The following MB variants were observed in gnomAD, a reference collection of about 807,000 sequenced individuals.
MB encodes the protein myoglobin.
A neutral mutation model predicts 14.5 loss-of-function variants in MB; 10 were observed. The ratio of observed to expected loss-of-function variants is 0.69; its 90% CI spans 0.43 to 1.17. The LOEUF is 1.17. Ranked by LOEUF, MB falls within the 50% of genes most tolerant of loss-of-function variation. The probability of loss-of-function intolerance (pLI) is 0.00; values close to 1 mark genes in which losing one functional copy is unlikely to be tolerated. For missense variants in MB, 169 were observed against 192.7 expected, an observed-to-expected ratio of 0.88 and a Z score of 0.73; for synonymous variants, 89 against 78.6, an observed-to-expected ratio of 1.13 and a Z score of -0.70.
chr22:35,607,312 C>G lies in MB; in HGVS notation c.450G>C (p.Leu150=), dbSNP rs199650693. 4.1e-5 allele frequency: 66 copies of G among 1,613,486 alleles called. 1 individual carries two copies. The African/African-American group carries it at 7.5e-4, about 18-fold the overall frequency. ...RKDMASNYKE[L]GFQG is the part of the protein sequence containing the mutation. ...CGGCAGGGGCCTAGCCCTGGAAGCC[C>G]AGCTCCTTGTAGTTGGAGGCCATGT... Residue 150 remains leucine, a synonymous_variant, in exon 3 of 3, where the codon CTG becomes CTC. Coordinates refer to ENST00000397326, the MANE Select transcript of MB (RefSeq NM_005368.3).
upstream of MB, among the ~76,000 whole-genome samples, chr22:35,619,006 C>T (rs953761083): frequency 3.1e-4 from 47 of 151,610 alleles, no homozygotes; most frequent in African/African-American, 1.1e-3. Flanking sequence ...CCCCTCCATC[C>T]ATCTATCCAT....
chr22:35,612,376 C>T (rs1922695009), intron 1 of MB, among the ~76,000 whole-genome samples: 1 of 152,180 alleles, frequency 6.6e-6, no homozygotes, highest in African/African-American at 2.4e-5. Flanking sequence ...AGCTCCTCAA[C>T]CTGAAAATGA....
intron 1 of MB, among the ~76,000 whole-genome samples, chr22:35,614,612 A>G (rs1246884960): frequency 1.3e-5 from 2 of 152,200 alleles, no homozygotes; most frequent in African/African-American, 4.8e-5. Context: ...TGTGGTGATC[A>G]TAATCATATC....
intron 1 of MB, among the ~76,000 whole-genome samples, chr22:35,616,609 T>A (rs1331500631): frequency 3.3e-5 from 5 of 152,184 alleles, no homozygotes; most frequent in Non-Finnish European, 5.9e-5. Flanking sequence ...TCCTCTAGGA[T>A]ATAGATATTA....
Position 35,607,833 on chromosome 22 carries a change from G to A in MB, c.319-390C>T, listed in dbSNP as rs45591134. On this transcript the variant is annotated intron_variant, in intron 2 of 2. Transcript: ENST00000397326. ...CCGCTTGGGGGCAGCAGAAAAGAAG[G>A]GAAATGCTCAGATTTCATTATTGTA... is the stretch of plus-strand genomic sequence containing the variant. Among the ~76,000 whole-genome samples the A allele has an allele frequency of 6.4e-3, 980 of 152,242 alleles. 5 individuals are homozygous for A. Among genetic ancestry groups the A allele is most frequent in the Non-Finnish European group, 0.011 (761 of 68,014 alleles).
At chr22:35,607,754 C>T (rs1227097324) in intron 2 of MB, among the ~76,000 whole-genome samples, 1 of 152,200 alleles carries the variant, frequency 6.6e-6, no homozygotes, top group Non-Finnish European at 1.5e-5. Flanking sequence ...CAGCCCCCTC[C>T]ACTCCATCAG....
chr22:35,620,905 G>A (rs1210565832), upstream of MB, among the ~76,000 whole-genome samples: 3 of 152,210 alleles, frequency 2.0e-5, no homozygotes, highest in Non-Finnish European at 4.4e-5. Flanking sequence ...TCACCCGCTT[G>A]GCAAGCGCCC....
In MB at chr22:35,607,304, T is replaced by C; in HGVS notation, c.458A>G (p.Gln153Arg). The C allele has an allele frequency of 1.2e-6, 2 of 1,612,738 alleles. No homozygotes were observed. The highest frequency in any genetic ancestry group is 1.1e-5 in the South Asian group (1 of 91,012). The change falls in exon 3 of 3, where the codon CAG becomes CGG. Residue 153 changes from glutamine (Q) to arginine (R), a missense_variant. By Grantham distance (43) the Gln-to-Arg change is conservative. Coordinates refer to ENST00000397326, the MANE Select transcript of MB (RefSeq NM_005368.3). Reference sequence around the variant, plus strand: ...GGTGGGAGCGGCAGGGGCCTAGCCCTGGAAGCCCAGCTCCTTGTAGTTGGA... The same window carrying C: ...GGTGGGAGCGGCAGGGGCCTAGCCCCGGAAGCCCAGCTCCTTGTAGTTGGA... Reference protein sequence around the residue: ...MASNYKELGFQG With the variant: ...MASNYKELGFRG
chr22:35,613,780 G>C lies in MB; in HGVS notation c.96-2674C>G, dbSNP rs564112801. On this transcript the variant is annotated intron_variant, in intron 1 of 2. Coordinates refer to ENST00000397326, the MANE Select transcript of MB (RefSeq NM_005368.3). ...CCCAAAGTGCTGGGATTATAGGCCT[G>C]AGCCACCCCACCCCACCCCATATTT... Among the ~76,000 whole-genome samples, 5 of 152,276 alleles carry C rather than the reference G, an allele frequency of 3.3e-5. No individual in the cohort carries two copies. The East Asian group carries it at 9.7e-4, about 29-fold the overall frequency.
At position 35,611,807 on chromosome 22, in the gene MB, C is replaced by T. The variant is rs190184965; in HGVS notation, c.96-701G>A. Among the ~76,000 whole-genome samples, 42 of 151,978 alleles carry T rather than the reference C, an allele frequency of 2.8e-4. No homozygotes were observed. In the Middle Eastern group the frequency reaches 0.014, roughly 49 times the overall value. On this transcript the variant is annotated intron_variant, in intron 1 of 2. Coordinates refer to ENST00000397326, the MANE Select transcript of MB (RefSeq NM_005368.3). Reference sequence around the variant, plus strand: ...AGCAGCCACCTCCAGCTTTAGACCTCGGTCCTTCCTGCCCACCTCCAACTT... The same window carrying T: ...AGCAGCCACCTCCAGCTTTAGACCTTGGTCCTTCCTGCCCACCTCCAACTT...
chr22:35,615,460 C>T (rs565212180), intron 1 of MB: 1 of 152,438 alleles, frequency 6.6e-6, no homozygotes, highest in Non-Finnish European at 1.5e-5. Flanking sequence ...CGTGATCCTC[C>T]CTGATGATGC....
At chr22:35,613,672 T>C (rs558616369) in intron 1 of MB, among the ~76,000 whole-genome samples, 178 of 87,244 alleles carry the variant, frequency 2.0e-3, no homozygotes, top group Admixed American at 4.0e-3. Flanking sequence ...ATTTTGTTTA[T>C]TTTTTGTAGA....
chr22:35,613,401 C>T (rs1243098618), intron 1 of MB, among the ~76,000 whole-genome samples: 5 of 152,224 alleles, frequency 3.3e-5, no homozygotes, highest in Non-Finnish European at 7.3e-5. Context: ...CTCTCTGGAT[C>T]ATTGCTCATC....
chr22:35,617,207 C>G lies in MB; in HGVS notation c.51G>C (p.Lys17Asn), dbSNP rs957749110. The change falls in exon 1 of 3, where the codon AAG (lysine) becomes AAC (asparagine). Residue 17 changes from lysine to asparagine, a missense_variant. By Grantham distance (94) the Lys-to-Asn change is moderately conservative. Transcript: ENST00000397326. The part of the protein sequence containing the change: ...EWQLVLNVWG[K>N]VEADIPGHGQ... ...CATGGCCTGGGATGTCAGCCTCCAC[C>G]TTCCCCCAGACGTTCAGCACCAACT... is the stretch of plus-strand genomic sequence containing the variant. 3 of 1,614,056 alleles carry G rather than the reference C, an allele frequency of 1.9e-6. No individual in the cohort carries two copies. In the African/African-American group the frequency reaches 4.0e-5, roughly 22 times the overall value.
chr22:35,608,862 C>G lies in MB; in HGVS notation c.319-1419G>C, dbSNP rs1403925874. Among the ~76,000 whole-genome samples the G allele has an allele frequency of 6.6e-6, 1 of 152,210 alleles. No homozygotes were observed. Among genetic ancestry groups the G allele is most frequent in the Admixed American group, 6.5e-5 (1 of 15,280 alleles). On this transcript the variant is annotated intron_variant, in intron 2 of 2. Coordinates refer to ENST00000397326, the MANE Select transcript of MB (RefSeq NM_005368.3). The surrounding 1 kb of genome is among the most constrained non-coding windows in gnomAD (Gnocchi z 4.3). ...GAAATGGAAACACTCTCGGCACCCACCACCCTGTACAGCCCCTCAGTCCCT... is the reference window on the plus strand; with the variant it reads ...GAAATGGAAACACTCTCGGCACCCAGCACCCTGTACAGCCCCTCAGTCCCT...
chr22:35,617,412 C>T (rs189332221), upstream of MB: 87 of 611,012 alleles, frequency 1.4e-4, no homozygotes, highest in African/African-American at 1.1e-3. Context: ...TCCCCCTCCC[C>T]TGCCCTCCTT....
chr22:35,611,229 T>C, intron 1 of MB, 123 bp from the exon 2 acceptor site: 1 of 683,726 alleles, frequency 1.5e-6, no homozygotes, highest in African/African-American at 1.8e-5. Flanking sequence ...GCCATTCACT[T>C]CACCTCTCTG....
intron 1 of MB, among the ~76,000 whole-genome samples, chr22:35,611,982 G>A (rs953474769): frequency 2.0e-5 from 3 of 152,078 alleles, no homozygotes; most frequent in Non-Finnish European, 4.4e-5. Context: ...GTGAGTTTCC[G>A]CCTTTTACTC....
chr22:35,617,351 C>T (rs937837391), upstream of MB: 4 of 887,410 alleles, frequency 4.5e-6, no homozygotes, highest in East Asian at 2.5e-5. Context: ...GTCCCAAGGG[C>T]GTTTTTATAC....
Sources: allele counts gnomAD v4.1 joint callset (sites outside exome capture counted in the v4.1 genomes callset), GRCh38; gene constraint gnomAD v4.1.1; non-coding constraint Gnocchi (gnomAD v3.1); transcripts MANE v1.5; gene names NCBI Gene and HGNC (gene_info 2026-07-23, HGNC 2026-07-21).